TPP2: variants seen among roughly 807,000 people sequenced by gnomAD.
The protein encoded by TPP2 is tripeptidyl peptidase 2, also known as tripeptidyl-peptidase 2.
A neutral mutation model predicts 155.9 loss-of-function variants in TPP2; 34 were observed. The ratio of observed to expected loss-of-function variants is 0.22; its 90% CI spans 0.17 to 0.29. TPP2 has a LOEUF of 0.29. Ranked by LOEUF, TPP2 falls within the 10% of genes least tolerant of loss-of-function variation. The probability of loss-of-function intolerance (pLI) is 1.00; values close to 1 mark genes in which losing one functional copy is unlikely to be tolerated. For synonymous variants in TPP2, 510 were observed against 529.4 expected (o/e 0.96, Z 0.50); for missense variants, 1,028 against 1,522.3 (o/e 0.68, Z 5.40).
intron 27 of TPP2, among the ~76,000 whole-genome samples, chr13:102,671,839 G>A (rs993558012): frequency 6.6e-6 from 1 of 152,162 alleles, no homozygotes; most frequent in African/African-American, 2.4e-5. Flanking sequence ...GGAAACAACA[G>A]TTTGCATTAG....
intron 9 of TPP2, 143 bp from the exon 10 acceptor site, chr13:102,629,953 T>C (rs1881906307): frequency 1.4e-6 from 1 of 690,352 alleles, no homozygotes; most frequent in African/African-American, 1.8e-5. Flanking sequence ...ACTTTCCTTG[T>C]TTCCTTATTA....
At chr13:102,617,179 G>A (rs965991387) in intron 4 of TPP2, among the ~76,000 whole-genome samples, 2 of 152,018 alleles carry the variant, frequency 1.3e-5, no homozygotes, top group Non-Finnish European at 2.9e-5. Flanking sequence ...CTCCCAAAGT[G>A]CTGGGATTAC....
chr13:102,631,996 C>T (rs1017337982), intron 10 of TPP2, among the ~76,000 whole-genome samples: 1 of 152,088 alleles, frequency 6.6e-6, no homozygotes, highest in South Asian at 2.1e-4. Flanking sequence ...CGCCTGTAAT[C>T]CCACCACACC....
chr13:102,633,129 C>T (rs940447496), intron 10 of TPP2, among the ~76,000 whole-genome samples: 12 of 152,126 alleles, frequency 7.9e-5, no homozygotes, highest in Non-Finnish European at 1.5e-4. Flanking sequence ...GCCAGGGAGG[C>T]GGAAGTGTGC....
chr13:102,631,077 A>G (rs1881988097), intron 10 of TPP2, among the ~76,000 whole-genome samples: 1 of 152,216 alleles, frequency 6.6e-6, no homozygotes, highest in South Asian at 2.1e-4. Context: ...AAGGAGTTCT[A>G]TATGCCAAGA....
chr13:102,613,992 C>A, intron 2 of TPP2, 109 bp from the exon 3 acceptor site: 1 of 859,210 alleles, frequency 1.2e-6, no homozygotes, highest in South Asian at 1.9e-5. Context: ...CATCCTTATC[C>A]AATTTAAGCT....
intron 24 of TPP2, 129 bp downstream of exon 24, chr13:102,651,526 A>G (rs905345857): frequency 3.1e-5 from 29 of 941,976 alleles, no homozygotes; most frequent in African/African-American, 3.0e-4. Context: ...ATTCTAAAGT[A>G]TAGTGCTCTT....
intron 3 of TPP2, among the ~76,000 whole-genome samples, chr13:102,615,337 A>G (rs1054427033): frequency 2.6e-4 from 40 of 152,162 alleles, no homozygotes; most frequent in African/African-American, 9.2e-4. Flanking sequence ...TTTTGTAGGG[A>G]TGGGGTTTCA....
intron 1 of TPP2, among the ~76,000 whole-genome samples, chr13:102,599,016 A>T (rs1036255471): frequency 5.3e-5 from 8 of 152,154 alleles, no homozygotes; most frequent in African/African-American, 1.9e-4. Context: ...GTATTGCCTG[A>T]TGTTAAGGTT....
chr13:102,655,803 G>A (rs1021469214), intron 24 of TPP2, among the ~76,000 whole-genome samples: 2 of 151,724 alleles, frequency 1.3e-5, no homozygotes, highest in Non-Finnish European at 2.9e-5. Flanking sequence ...CTTCTTCGTC[G>A]TACACTGCCT....
chr13:102,666,851 G>T (rs1256615535), intron 27 of TPP2, among the ~76,000 whole-genome samples: 2 of 141,388 alleles, frequency 1.4e-5, no homozygotes, highest in East Asian at 2.3e-4. Context: ...AATAAGCTGG[G>T]ATAAAACTAG....
intron 24 of TPP2, chr13:102,655,026 G>C (rs771309770): frequency 2.0e-6 from 1 of 505,488 alleles, no homozygotes; most frequent in East Asian, 5.6e-5. Flanking sequence ...TTTGTTTACA[G>C]GTTCTGGCCC....
chr13:102,656,698 A>G (rs1465677878), intron 24 of TPP2, among the ~76,000 whole-genome samples: 1 of 152,194 alleles, frequency 6.6e-6, no homozygotes. Flanking sequence ...ATCTTTTCTT[A>G]GTTTGAACTT....
intron 23 of TPP2, among the ~76,000 whole-genome samples, chr13:102,650,654 A>G (rs1280752425): frequency 1.3e-5 from 2 of 152,230 alleles, no homozygotes; most frequent in Admixed American, 6.5e-5. Context: ...CAGATGACAG[A>G]TGACACTTTG....
At chr13:102,651,524 G>C (rs1595191747) in intron 24 of TPP2, 127 bp downstream of exon 24, 1 of 955,366 alleles carries the variant, frequency 1.0e-6, no homozygotes, top group African/African-American at 1.7e-5. Context: ...GCATTCTAAA[G>C]TATAGTGCTC....
chr13:102,656,083 G>A (rs1443343948), intron 24 of TPP2, among the ~76,000 whole-genome samples: 2 of 151,854 alleles, frequency 1.3e-5, no homozygotes, highest in East Asian at 3.9e-4. Flanking sequence ...GGTTTCCTAG[G>A]TTTGTTTCCT....
intron 19 of TPP2, among the ~76,000 whole-genome samples, chr13:102,646,091 A>G (rs1429527598): frequency 1.3e-5 from 2 of 152,250 alleles, no homozygotes; most frequent in Non-Finnish European, 2.9e-5. Flanking sequence ...TGCAAAATCT[A>G]AACTGTATGT....
chr13:102,648,915 G>T lies in TPP2; in HGVS notation c.2637G>T (p.Leu879Phe). Residue 879 changes from leucine to phenylalanine, a missense_variant, in exon 22 of 30, where the codon TTG (leucine) becomes TTT (phenylalanine). This residue lies in a region of TPP2 where 179 missense variants were observed against 274.7 expected (regional missense o/e 0.65). Transcript: ENST00000376052. ...SGDAYPHQYS[L>F]KLEKGDYTIR... is the part of the protein sequence containing the mutation. ...TTGTTTTTCTTTTTCAGTATTCTTT[G>T]AAACTGGAGAAAGGAGATTATACAA... The T allele has an allele frequency of 1.3e-6, 2 of 1,581,720 alleles. No individual in the cohort carries two copies. The highest frequency in any genetic ancestry group is 1.4e-5 in the African/African-American group (1 of 72,844).
intron 27 of TPP2, among the ~76,000 whole-genome samples, chr13:102,673,062 A>T (rs1209682458): frequency 6.6e-6 from 1 of 152,212 alleles, no homozygotes; most frequent in Non-Finnish European, 1.5e-5. Flanking sequence ...TTCAAGGTAC[A>T]GGATCAAATG....
Sources: allele counts gnomAD v4.1 joint callset (sites outside exome capture counted in the v4.1 genomes callset), GRCh38; gene constraint gnomAD v4.1.1; regional missense constraint gnomAD v4.1.1; transcripts MANE v1.5; gene names NCBI Gene and HGNC (gene_info 2026-07-23, HGNC 2026-07-21).